SPATA13: variants seen among roughly 807,000 people sequenced by gnomAD.
SPATA13 encodes the protein spermatogenesis associated 13.
In SPATA13, 50 loss-of-function variants were observed where a neutral mutation model predicts 104.0. The ratio of observed to expected loss-of-function variants is 0.48; its 90% CI spans 0.38 to 0.61. The LOEUF (loss-of-function observed/expected upper bound fraction) is 0.61. Ranked by LOEUF, SPATA13 falls within the 20% of genes least tolerant of loss-of-function variation. The pLI, the probability that SPATA13 is intolerant of heterozygous loss-of-function variation, is 0.00. For missense variants in SPATA13, 1,524 were observed against 1,690.6 expected, an observed-to-expected ratio of 0.90 and a Z score of 1.73; for synonymous variants, 606 against 667.5, an observed-to-expected ratio of 0.91 and a Z score of 1.42.
intron 3 of SPATA13, among the ~76,000 whole-genome samples, chr13:24,030,082 ACAC>A (rs1877414244): frequency 6.6e-6 from 1 of 151,112 alleles, no homozygotes; most frequent in South Asian, 2.1e-4. Context: ...ACACACACAC[ACAC>A]ACACATACAT....
At chr13:24,131,547 G>C (rs1009099236) in intron 3 of SPATA13, among the ~76,000 whole-genome samples, 2 of 152,210 alleles carry the variant, frequency 1.3e-5, no homozygotes, top group Non-Finnish European at 2.9e-5. Context: ...AGGAGGTAAA[G>C]TTTGGATGCT....
intron 4 of SPATA13, among the ~76,000 whole-genome samples, chr13:24,282,464 T>C (rs561729267): frequency 1.3e-5 from 2 of 152,344 alleles, no homozygotes; most frequent in African/African-American, 4.8e-5. Context: ...CTTCTGCTTT[T>C]TGTTAAATCT....
chr13:24,189,834 G>A (rs1160088037), intron 1 of SPATA13, among the ~76,000 whole-genome samples: 2 of 21,774 alleles, frequency 9.2e-5, no homozygotes, highest in African/African-American at 1.7e-4. Context: ...TATATAAAAT[G>A]ATATTTAATA....
chr13:24,190,029 ATACAAT>A (rs1869528045), intron 1 of SPATA13, among the ~76,000 whole-genome samples: 1 of 89,742 alleles, frequency 1.1e-5, no homozygotes, highest in African/African-American at 5.0e-5. Context: ...ACATAATGAT[ATACAAT>A]ATATATTATT....
At chr13:23,995,168 G>A (rs2765158) in intron 2 of SPATA13, among the ~76,000 whole-genome samples, 76,232 of 151,974 alleles carry the variant, frequency 0.5, 19,408 homozygotes, top group Admixed American at 0.55. Flanking sequence ...GAAGATACAT[G>A]CCAATCTCAT....
chr13:23,993,982 T>C lies in SPATA13; in HGVS notation c.-147+10049T>C, dbSNP rs542599565. The stretch of plus-strand genomic sequence containing the variant: ...TGATGGTGGTGGTGTTTTTTTTTTT[T>C]TTTCTTTTTTTTTTTTGACAAGTAA... On this transcript the variant is annotated intron_variant, in intron 2 of 14. Coordinates refer to the SPATA13 transcript ENST00000424834. Among the ~76,000 whole-genome samples the C allele has an allele frequency of 4.8e-3, 527 of 110,256 alleles. 4 individuals carry two copies. Among genetic ancestry groups the C allele is most frequent in the African/African-American group, 0.017 (496 of 29,682 alleles). 72.3% of individuals were successfully genotyped at this position (110,256 alleles called of 152,430 possible).
chr13:24,033,629 G>T (rs1488538376), intron 3 of SPATA13: 1 of 152,360 alleles, frequency 6.6e-6, no homozygotes, highest in Admixed American at 6.5e-5. Flanking sequence ...CTGCAGTGGG[G>T]ACCTGGTGTG....
chr13:24,263,172 T>C (rs896032772), intron 4 of SPATA13, among the ~76,000 whole-genome samples: 6 of 152,242 alleles, frequency 3.9e-5, no homozygotes, highest in Admixed American at 3.9e-4. Context: ...TGTTCTCTTG[T>C]TTTTTGAATT....
intron 1 of SPATA13, among the ~76,000 whole-genome samples, chr13:24,167,015 G>C (rs926790145): frequency 1.3e-5 from 2 of 152,324 alleles, no homozygotes; most frequent in East Asian, 3.9e-4. Context: ...TGAATTACCA[G>C]GGTGCCTTTA....
At chr13:24,121,928 C>A in intron 3 of SPATA13, 1 of 655,784 alleles carries the variant, frequency 1.5e-6, no homozygotes, top group Non-Finnish European at 2.7e-6. Context: ...CGGGTCCCAT[C>A]TCCTGGGGTT....
chr13:24,153,879 A>G (rs975114329), intron 3 of SPATA13, among the ~76,000 whole-genome samples: 4 of 152,220 alleles, frequency 2.6e-5, no homozygotes, highest in Non-Finnish European at 5.9e-5. Context: ...CACTTCTAAC[A>G]ATGTGACTGA....
chr13:24,203,959 C>T (rs1160587587), intron 1 of SPATA13, among the ~76,000 whole-genome samples: 1 of 152,124 alleles, frequency 6.6e-6, no homozygotes, highest in African/African-American at 2.4e-5. Context: ...AGTTTATGGT[C>T]TAGTGAGGGT....
At chr13:24,274,959 T>C (rs1242129430) in intron 4 of SPATA13, among the ~76,000 whole-genome samples, 1 of 152,020 alleles carries the variant, frequency 6.6e-6, no homozygotes, top group Admixed American at 6.5e-5. Context: ...AGATCTCACC[T>C]CCCTTTCATT....
chr13:24,069,100 T>A (rs1879070142), intron 3 of SPATA13, among the ~76,000 whole-genome samples: 1 of 152,216 alleles, frequency 6.6e-6, no homozygotes, highest in Non-Finnish European at 1.5e-5. Flanking sequence ...GCCTTGGCTG[T>A]TTGGGCTCTT....
At chr13:24,197,686 T>G (rs1475747642) in intron 1 of SPATA13, among the ~76,000 whole-genome samples, 1 of 152,166 alleles carries the variant, frequency 6.6e-6, no homozygotes, top group Non-Finnish European at 1.5e-5. Context: ...GAGAATGAAA[T>G]CAGTTAGACT....
At chr13:24,237,795 T>G (rs1872637631) in intron 2 of SPATA13, among the ~76,000 whole-genome samples, 1 of 151,346 alleles carries the variant, frequency 6.6e-6, no homozygotes, top group South Asian at 2.1e-4. Flanking sequence ...CCAGACCCCA[T>G]CTTATAAATT....
At chr13:24,145,944 G>A (rs1923906) in intron 3 of SPATA13, among the ~76,000 whole-genome samples, 2,117 of 152,270 alleles carry the variant, frequency 0.014, 65 homozygotes, top group African/African-American at 0.049. Flanking sequence ...GAGCACTCCC[G>A]ACCAAGTCAA....
In SPATA13 at chr13:24,080,171, G is replaced by T. The variant is rs1361177547; in HGVS notation, c.-112+62470G>T. 1.7e-4 allele frequency among the ~76,000 whole-genome samples: 26 copies of T among 152,186 alleles called. 1 individual carries two copies. The highest frequency in any genetic ancestry group is 1.7e-3 in the Admixed American group (26 of 15,282). On this transcript the variant is annotated intron_variant, in intron 3 of 14. Coordinates refer to the SPATA13 transcript ENST00000424834. ...TAAATCTCAAAGCCTTTTAACCCCA[G>T]TGTTCTTCTTTGCCATAAAAGGATT...
chr13:24,106,590 C>T (rs756474594), intron 3 of SPATA13, among the ~76,000 whole-genome samples: 4 of 152,158 alleles, frequency 2.6e-5, no homozygotes, highest in African/African-American at 9.7e-5. Context: ...GAACAGCACT[C>T]GCTTTGTGTC....
Sources: gnomAD v4.1 joint callset for allele counts (sites outside exome capture counted in the v4.1 genomes callset) on GRCh38, gnomAD v4.1.1 for gene constraint, MANE v1.5 for transcripts, NCBI Gene and HGNC (gene_info 2026-07-23, HGNC 2026-07-21) for gene names.